The following HLA-DPA1 variants were observed in gnomAD, a reference collection of about 807,000 sequenced individuals.
HLA-DPA1 encodes the protein major histocompatibility complex, class II, DP alpha 1.
A neutral mutation model predicts 21.5 loss-of-function variants in HLA-DPA1; 20 were observed. The ratio of observed to expected loss-of-function variants is 0.93; its 90% CI spans 0.66 to 1.35. HLA-DPA1 has a LOEUF of 1.35. Ranked by LOEUF, HLA-DPA1 falls within the 40% of genes most tolerant of loss-of-function variation. The probability of loss-of-function intolerance (pLI) is 0.00; values close to 1 mark genes in which losing one functional copy is unlikely to be tolerated. For missense variants in HLA-DPA1, 279 were observed against 323.0 expected (o/e 0.86, Z 1.05); for synonymous variants, 123 against 129.6 (o/e 0.95, Z 0.35).
intron 2 of HLA-DPA1, among the ~76,000 whole-genome samples, chr6:33,072,828 G>A (rs1335912386): frequency 6.6e-6 from 1 of 152,146 alleles, no homozygotes; most frequent in Admixed American, 6.5e-5. Context: ...GAATCTCTCA[G>A]AACCCGAATC....
At position 33,080,567 on chromosome 6, in the gene HLA-DPA1, C is replaced by T. The variant is rs757370996; in HGVS notation, c.-100+113G>A. 3.9e-6 allele frequency: 6 copies of T among 1,541,312 alleles called. No homozygotes were observed. The highest frequency in any genetic ancestry group is 5.4e-6 in the Non-Finnish European group (6 of 1,120,680). Reference sequence around the variant, plus strand: ...GAAAACTCCTATTTTAAAATCCAGCCCTGGGTGGGAAGATTTGGGAAGAAT... The same window carrying T: ...GAAAACTCCTATTTTAAAATCCAGCTCTGGGTGGGAAGATTTGGGAAGAAT... On this transcript the variant is annotated intron_variant, in intron 1 of 5. Coordinates refer to ENST00000419277, the Ensembl canonical transcript of HLA-DPA1. The surrounding 1 kb of genome is among the most constrained non-coding windows in gnomAD (Gnocchi z 4.3).
intron 1 of HLA-DPA1, chr6:33,079,328 T>C: frequency 5.5e-6 from 1 of 182,298 alleles, no homozygotes; most frequent in Non-Finnish European, 1.1e-5. Flanking sequence ...ACACTGCTCA[T>C]GGCACTCCCT....
chr6:33,070,457 G>A (rs60038796), intron 2 of HLA-DPA1, among the ~76,000 whole-genome samples: 14,010 of 151,924 alleles, frequency 0.092, 1,541 homozygotes, highest in East Asian at 0.55. Flanking sequence ...TGGGGGTGGG[G>A]GAATGGACAT....
At chr6:33,076,035 C>T in intron 1 of HLA-DPA1, 3 of 1,608,732 alleles carry the variant, frequency 1.9e-6, no homozygotes, top group Non-Finnish European at 2.5e-6. Context: ...CATCCTTTTC[C>T]AGCTCCATGA....
chr6:33,078,699 C>A (rs1275909043), intron 1 of HLA-DPA1, among the ~76,000 whole-genome samples: 1 of 152,060 alleles, frequency 6.6e-6, no homozygotes. Context: ...GGTAAAATTC[C>A]ATTTCAAAAG....
In HLA-DPA1 at chr6:33,076,923, T is replaced by TA. The variant is rs1273909187; in HGVS notation, c.-99-3255_-99-3254insT. ...TCAGGATACTCTCAGGATATTTCTTTTTATATATATATATACTTTAAGTTC... is the reference window on the plus strand; with the variant it reads ...TCAGGATACTCTCAGGATATTTCTTTATTATATATATATATACTTTAAGTTC... On this transcript the variant is annotated intron_variant, in intron 1 of 5. Coordinates refer to ENST00000419277, the Ensembl canonical transcript of HLA-DPA1. Among the ~76,000 whole-genome samples, 325 of 152,220 alleles carry TA rather than the reference T, an allele frequency of 2.1e-3. 1 individual carries two copies. Among genetic ancestry groups the TA allele is most frequent in the African/African-American group, 7.3e-3 (304 of 41,532 alleles).
chr6:33,080,337 T>G lies in HLA-DPA1; in HGVS notation c.-100+343A>C, dbSNP rs922973315. Reference sequence around the variant, plus strand: ...CCCCAGCTCCTCCCGCCCCTGTTTTTTCTCCCAGTGACCCCACGTGAAACG... The same window carrying G: ...CCCCAGCTCCTCCCGCCCCTGTTTTGTCTCCCAGTGACCCCACGTGAAACG... On this transcript the variant is annotated intron_variant, in intron 1 of 5. Coordinates refer to ENST00000419277, the Ensembl canonical transcript of HLA-DPA1. The surrounding 1 kb of genome is among the most constrained non-coding windows in gnomAD (Gnocchi z 4.3). The G allele has an allele frequency of 2.0e-6, 1 of 506,382 alleles. No individual in the cohort carries two copies. The allele number at this position is 506,382 out of a possible 1,614,324, so 31.4% of individuals were successfully genotyped here.
intron 1 of HLA-DPA1, among the ~76,000 whole-genome samples, chr6:33,076,425 C>T (rs1230641608): frequency 6.6e-6 from 1 of 152,160 alleles, no homozygotes; most frequent in Admixed American, 6.5e-5. Flanking sequence ...TAACCTTGGA[C>T]AGACAAGGTT....
chr6:33,069,234 C>T lies in HLA-DPA1; in HGVS notation c.413G>A (p.Cys138Tyr), dbSNP rs1164652167. 1.9e-6 allele frequency: 3 copies of T among 1,612,884 alleles called. No homozygotes were observed. In the Admixed American group the frequency reaches 5.0e-5, roughly 27 times the overall value. The change falls in exon 4 of 6, where the codon TGC becomes TAC. Residue 138 changes from cysteine (C) to tyrosine (Y), a missense_variant. Coordinates refer to ENST00000419277, the Ensembl canonical transcript of HLA-DPA1. ...TGGTGGGAAGAACTTGTCAATGTGGCAGATGAGGGTGTTGGGCTGGCCCAG... is the reference window on the plus strand; with the variant it reads ...TGGTGGGAAGAACTTGTCAATGTGGTAGATGAGGGTGTTGGGCTGGCCCAG...
chr6:33,074,597 T>C (rs898012470), intron 1 of HLA-DPA1, among the ~76,000 whole-genome samples: 1 of 152,232 alleles, frequency 6.6e-6, no homozygotes, highest in African/African-American at 2.4e-5. Flanking sequence ...ATATATTACG[T>C]TAATATTTTA....
intron 5 of HLA-DPA1, chr6:33,067,334 G>T (rs1762012157): frequency 6.6e-6 from 1 of 151,348 alleles, no homozygotes; most frequent in African/African-American, 2.4e-5. Context: ...GGTAATGAGT[G>T]AGTTCTCACT....
At chr6:33,078,181 G>T (rs1315287528) in intron 1 of HLA-DPA1, among the ~76,000 whole-genome samples, 1 of 152,142 alleles carries the variant, frequency 6.6e-6, no homozygotes, top group East Asian at 1.9e-4. Context: ...GGCAGTGAAA[G>T]GGAGGACGGG....
At chr6:33,073,853 AAG>A in intron 1 of HLA-DPA1, 1 of 377,194 alleles carries the variant, frequency 2.7e-6, no homozygotes, top group Non-Finnish European at 4.7e-6. Context: ...GAGTTAGAGA[AAG>A]AGATGTAAAA....
intron 2 of HLA-DPA1, 146 bp downstream of exon 1, chr6:33,073,325 T>G: frequency 1.6e-6 from 1 of 610,380 alleles, no homozygotes. Context: ...GTTATTGCTG[T>G]TATTATTATG....
intron 4 of HLA-DPA1, 102 bp from the exon 4 acceptor site, chr6:33,068,906 T>A: frequency 6.5e-7 from 1 of 1,539,046 alleles, no homozygotes. Flanking sequence ...TAATTGGATG[T>A]TAGGACGAGG....
chr6:33,073,287 C>A (rs3135020), intron 2 of HLA-DPA1, among the ~76,000 whole-genome samples, 184 bp downstream of exon 1: 11,915 of 152,244 alleles, frequency 0.078, 631 homozygotes, highest in Non-Finnish European at 0.11. Flanking sequence ...GGGAAAGAAA[C>A]TATGCAGGAG....
chr6:33,068,941 G>A (rs917951615), intron 4 of HLA-DPA1, 78 bp downstream of exon 3: 53 of 1,553,142 alleles, frequency 3.4e-5, no homozygotes, highest in African/African-American at 1.6e-4. Flanking sequence ...CAGCCAGTGC[G>A]GAAAGCTGGT....
intron 2 of HLA-DPA1, 123 bp downstream of exon 1, chr6:33,073,348 A>C: frequency 2.9e-6 from 2 of 688,924 alleles, no homozygotes; most frequent in Non-Finnish European, 5.2e-6. Flanking sequence ...GGCCAGAGGG[A>C]ACATAGACTA....
intron 2 of HLA-DPA1, among the ~76,000 whole-genome samples, chr6:33,072,558 C>T (rs552784783): frequency 6.6e-6 from 1 of 152,220 alleles, no homozygotes; most frequent in East Asian, 1.9e-4. Flanking sequence ...GCGAACAGGG[C>T]AATAGATACT....
Sources: allele counts gnomAD v4.1 joint callset (sites outside exome capture counted in the v4.1 genomes callset), GRCh38; gene constraint gnomAD v4.1.1; non-coding constraint Gnocchi (gnomAD v3.1); transcripts MANE v1.5; gene names NCBI Gene and HGNC (gene_info 2026-07-23, HGNC 2026-07-21).